DIAPH3: variants seen among roughly 807,000 people sequenced by gnomAD.
The protein encoded by DIAPH3 is diaphanous related formin 3, also known as protein diaphanous homolog 3.
In DIAPH3, 117 loss-of-function variants were observed where a neutral mutation model predicts 144.3. The ratio of observed to expected loss-of-function variants is 0.81; its 90% confidence interval spans 0.70 to 0.95. DIAPH3 has a LOEUF of 0.95. Ranked by LOEUF, DIAPH3 falls within the 40% of genes least tolerant of loss-of-function variation. The pLI, the probability that DIAPH3 is intolerant of heterozygous loss-of-function variation, is 0.00. For synonymous variants in DIAPH3, 519 were observed against 488.9 expected (o/e 1.06, Z -0.81); for missense variants, 1,421 against 1,412.7 (o/e 1.01, Z -0.09).
chr13:59,689,515 C>A (rs1394064680), intron 27 of DIAPH3, among the ~76,000 whole-genome samples: 1 of 151,988 alleles, frequency 6.6e-6, no homozygotes, highest in Non-Finnish European at 1.5e-5. Flanking sequence ...ATATCTGGTG[C>A]ACCAGAATCA....
chr13:60,093,543 A>G, intron 4 of DIAPH3, 85 bp downstream of exon 4: 1 of 884,100 alleles, frequency 1.1e-6, no homozygotes, highest in East Asian at 2.5e-5. Context: ...TTGCCCACAA[A>G]CTTAAGTACT....
At chr13:60,019,491 A>G (rs142871895) in intron 5 of DIAPH3, among the ~76,000 whole-genome samples, 2 of 152,260 alleles carry the variant, frequency 1.3e-5, no homozygotes, top group African/African-American at 4.8e-5. Flanking sequence ...GGAAATATTA[A>G]ACTCTTCTAA....
chr13:59,905,342 CAAAAAAAAA>C (rs59114311), intron 20 of DIAPH3, among the ~76,000 whole-genome samples: 85 of 69,752 alleles, frequency 1.2e-3, no homozygotes, highest in African/African-American at 5.6e-3. Flanking sequence ...GACTCTGTCT[CAAAAAAAAA>C]AAAAAAAAAA....
intron 25 of DIAPH3, among the ~76,000 whole-genome samples, chr13:59,806,313 A>G (rs982125459): frequency 6.6e-6 from 1 of 152,022 alleles, no homozygotes; most frequent in Admixed American, 6.6e-5. Context: ...CTGTACTAAA[A>G]TATAACACCT....
At chr13:59,853,798 TA>T (rs533288970) in intron 22 of DIAPH3, among the ~76,000 whole-genome samples, 126 of 152,304 alleles carry the variant, frequency 8.3e-4, no homozygotes, top group African/African-American at 3.0e-3. Context: ...ACAATAACTT[TA>T]AAAACCAAAC....
intron 25 of DIAPH3, among the ~76,000 whole-genome samples, chr13:59,784,110 T>C (rs908913238): frequency 1.3e-5 from 2 of 152,174 alleles, no homozygotes; most frequent in African/African-American, 4.8e-5. Context: ...AGAGGCGAAG[T>C]CTTGCTCTGT....
chr13:59,822,465 G>A (rs11620060), intron 24 of DIAPH3, among the ~76,000 whole-genome samples: 3 of 151,500 alleles, frequency 2.0e-5, no homozygotes, highest in Admixed American at 6.6e-5. Flanking sequence ...TTTGTGAGAC[G>A]GAGTCTCGCT....
chr13:59,803,247 A>G (rs934190273), intron 25 of DIAPH3, among the ~76,000 whole-genome samples: 25 of 152,170 alleles, frequency 1.6e-4, no homozygotes, highest in Admixed American at 6.5e-4. Context: ...TAGAATATGA[A>G]CAGGGTGAAA....
chr13:60,029,017 C>A (rs1488839639), intron 5 of DIAPH3, among the ~76,000 whole-genome samples: 6 of 151,698 alleles, frequency 4.0e-5, no homozygotes, highest in African/African-American at 9.7e-5. Context: ...TGAGATCGTG[C>A]CACTGCACTC....
In DIAPH3 at chr13:59,859,200, CT is replaced by C. The variant is rs1384524384; in HGVS notation, c.2737+2206del. Among the ~76,000 whole-genome samples the C allele has an allele frequency of 2.6e-5, 4 of 152,102 alleles. No homozygotes were observed. The East Asian group carries it at 7.7e-4, about 29-fold the overall frequency. ...ACTATAAAAAGTACTTCAGTGATGGCTTTTCTATGTTAAAGATGAAGTTGGC... is the reference window on the plus strand; with the variant it reads ...ACTATAAAAAGTACTTCAGTGATGGCTTTCTATGTTAAAGATGAAGTTGGC... On this transcript the variant is annotated intron_variant, in intron 22 of 27. Coordinates refer to ENST00000400324, the MANE Select transcript of DIAPH3 (RefSeq NM_001042517.2).
intron 27 of DIAPH3, among the ~76,000 whole-genome samples, chr13:59,685,089 T>C (rs2033145759): frequency 3.3e-5 from 5 of 152,078 alleles, no homozygotes; most frequent in Admixed American, 3.3e-4. Flanking sequence ...TCAGGGCACC[T>C]AGAGTTATCA....
chr13:59,783,352 T>C (rs1225038154), intron 25 of DIAPH3, among the ~76,000 whole-genome samples: 2 of 152,162 alleles, frequency 1.3e-5, no homozygotes, highest in Middle Eastern at 3.2e-3. Context: ...TACAGAACCG[T>C]CTTTGTTTGA....
intron 2 of DIAPH3, among the ~76,000 whole-genome samples, chr13:60,121,681 G>C (rs147840025): frequency 5.8e-4 from 88 of 152,318 alleles, no homozygotes; most frequent in Admixed American, 3.1e-3. Flanking sequence ...AAAGGGCAAA[G>C]TAGGAGGGTT....
intron 20 of DIAPH3, among the ~76,000 whole-genome samples, chr13:59,898,144 A>C (rs968634057): frequency 6.6e-6 from 1 of 150,562 alleles, no homozygotes; most frequent in African/African-American, 2.4e-5. Context: ...CAAAAAAAAA[A>C]AAAAAAAAAA....
intron 27 of DIAPH3, among the ~76,000 whole-genome samples, chr13:59,692,381 C>A (rs1479689920): frequency 6.7e-6 from 1 of 149,966 alleles, no homozygotes. Context: ...CCTTTTACAT[C>A]CCCCTACTTC....
intron 5 of DIAPH3, among the ~76,000 whole-genome samples, chr13:60,040,072 T>C (rs891225791): frequency 6.6e-6 from 1 of 151,480 alleles, no homozygotes; most frequent in Non-Finnish European, 1.5e-5. Flanking sequence ...CTGTCTCTAC[T>C]AAAAATACAA....
At chr13:60,083,854 T>A (rs1427262498) in intron 4 of DIAPH3, among the ~76,000 whole-genome samples, 10 of 151,842 alleles carry the variant, frequency 6.6e-5, no homozygotes, top group African/African-American at 2.2e-4. Context: ...CAGTAAGCTA[T>A]CATCACTACT....
intron 26 of DIAPH3, 110 bp from the exon 27 acceptor site, chr13:59,774,358 G>T: frequency 2.3e-6 from 2 of 866,744 alleles, no homozygotes; most frequent in Non-Finnish European, 3.7e-6. Flanking sequence ...TGGCAGCAAA[G>T]TAATGCTTCA....
intron 2 of DIAPH3, among the ~76,000 whole-genome samples, chr13:60,124,360 T>C (rs2058929556): frequency 6.6e-6 from 1 of 152,202 alleles, no homozygotes; most frequent in Non-Finnish European, 1.5e-5. Context: ...AAGTGCTTTC[T>C]ATACAGAGAA....
Sources: allele counts gnomAD v4.1 joint callset (sites outside exome capture counted in the v4.1 genomes callset), GRCh38; gene constraint gnomAD v4.1.1; transcripts MANE v1.5; gene names NCBI Gene and HGNC (gene_info 2026-07-23, HGNC 2026-07-21).